The following DPP6 variants were observed in gnomAD, a reference collection of about 807,000 sequenced individuals.
DPP6 encodes the protein A-type potassium channel modulatory protein DPP6.
A neutral mutation model predicts 122.6 loss-of-function variants in DPP6; 69 were observed. The ratio of observed to expected loss-of-function variants is 0.56; its 90% CI spans 0.46 to 0.69. The LOEUF is 0.69. Ranked by LOEUF, DPP6 falls within the 30% of genes least tolerant of loss-of-function variation. The pLI is 0.00. For synonymous variants in DPP6, 418 were observed against 433.1 expected (o/e 0.97, Z 0.43); for missense variants, 928 against 1,116.9 (o/e 0.83, Z 2.41).
chr7:153,975,077 C>T (rs977250587), intron 1 of DPP6, among the ~76,000 whole-genome samples: 32 of 152,236 alleles, frequency 2.1e-4, no homozygotes, highest in Admixed American at 2.0e-4. Flanking sequence ...ATACCTACTA[C>T]GTACCAGCCA....
At chr7:154,349,052 G>A (rs115390102) in intron 1 of DPP6, among the ~76,000 whole-genome samples, 108 of 152,360 alleles carry the variant, frequency 7.1e-4, no homozygotes, top group African/African-American at 2.6e-3. Flanking sequence ...GAGGATGGGA[G>A]CACAGAGGGG....
At chr7:154,023,982 C>T (rs2129052870) in intron 1 of DPP6, among the ~76,000 whole-genome samples, 1 of 152,284 alleles carries the variant, frequency 6.6e-6, no homozygotes. Context: ...AGTTCTACTA[C>T]CTTCAAATGC....
intron 1 of DPP6, among the ~76,000 whole-genome samples, chr7:153,920,759 C>T (rs1800601283): frequency 6.6e-6 from 1 of 151,814 alleles, no homozygotes; most frequent in South Asian, 2.1e-4. Context: ...TGGGGTTTCA[C>T]CATGTTGGCC....
At chr7:154,105,352 A>T (rs1806081823) in intron 1 of DPP6, among the ~76,000 whole-genome samples, 1 of 152,200 alleles carries the variant, frequency 6.6e-6, no homozygotes, top group Admixed American at 6.5e-5. Context: ...TCACAGGCAC[A>T]ACTAGCCTGG....
chr7:153,950,742 TAAG>T (rs1338931931), intron 1 of DPP6, among the ~76,000 whole-genome samples: 2 of 151,832 alleles, frequency 1.3e-5, no homozygotes, highest in African/African-American at 2.4e-5. Flanking sequence ...TCAAGGAAAA[TAAG>T]AAGGAGCAGA....
chr7:154,614,210 G>A (rs1834089565), intron 5 of DPP6, among the ~76,000 whole-genome samples: 2 of 152,116 alleles, frequency 1.3e-5, no homozygotes, highest in Non-Finnish European at 2.9e-5. Flanking sequence ...CATAAATCAG[G>A]CTCACATAGG....
chr7:154,725,281 A>G (rs1422008573), intron 7 of DPP6, among the ~76,000 whole-genome samples: 1 of 152,198 alleles, frequency 6.6e-6, no homozygotes, highest in African/African-American at 2.4e-5. Context: ...ATCCAATTTG[A>G]TATTGTATTA....
intron 1 of DPP6, among the ~76,000 whole-genome samples, chr7:153,892,137 T>C (rs987602049): frequency 1.3e-5 from 2 of 152,230 alleles, no homozygotes; most frequent in Non-Finnish European, 1.5e-5. Context: ...AACATCTGAA[T>C]GTGAACTTTC....
chr7:154,774,024 A>G (rs1024771971), intron 10 of DPP6, among the ~76,000 whole-genome samples: 2 of 152,162 alleles, frequency 1.3e-5, no homozygotes, highest in Non-Finnish European at 2.9e-5. Context: ...TGAAACTTAT[A>G]ATGTTGTAAG....
intron 1 of DPP6, among the ~76,000 whole-genome samples, chr7:154,258,725 C>CT (rs1264421290): frequency 2.4e-4 from 37 of 152,186 alleles, no homozygotes; most frequent in African/African-American, 8.7e-4. Flanking sequence ...GAGTTCTGCT[C>CT]TAAGAAAACG....
At chr7:153,922,404 TAGG>T (rs1450767721) in intron 1 of DPP6, among the ~76,000 whole-genome samples, 1 of 148,112 alleles carries the variant, frequency 6.8e-6, no homozygotes, top group African/African-American at 2.6e-5. Flanking sequence ...GAGGCTAAGG[TAGG>T]AGGATCACCT....
At position 154,664,504 on chromosome 7, in the gene DPP6, AAC is replaced by A. The variant is rs141025483; in HGVS notation, c.681-4852_681-4851del. Among the ~76,000 whole-genome samples, 1,174 of 152,244 alleles carry A rather than the reference AAC, an allele frequency of 7.7e-3. 15 individuals are homozygous for A. Among genetic ancestry groups the A allele is most frequent in the Middle Eastern group, 0.041 (12 of 294 alleles). On this transcript the variant is annotated intron_variant, in intron 6 of 25. Transcript: ENST00000377770. ...CTCTGTGCTTAGAAAATTCCAAATA[AAC>A]ACAGGTCAAGTGAATTTGTTAGGCT...
chr7:153,861,173 A>G, the DPP6 span, among the ~76,000 whole-genome samples: 13 of 152,240 alleles, frequency 8.5e-5, no homozygotes, highest in Non-Finnish European at 1.5e-5. Flanking sequence ...GGACTTTAAT[A>G]TAAATTTAAG....
intron 3 of DPP6, among the ~76,000 whole-genome samples, chr7:154,531,757 T>C (rs1827854639): frequency 6.6e-6 from 1 of 152,128 alleles, no homozygotes. Flanking sequence ...ACATAACAAG[T>C]ATAATTGCGT....
intron 5 of DPP6, among the ~76,000 whole-genome samples, chr7:154,576,997 G>A (rs1001877913): frequency 6.6e-6 from 1 of 152,148 alleles, no homozygotes; most frequent in South Asian, 2.1e-4. Context: ...GGCAGTGGAA[G>A]GGTAGAGTGG....
At chr7:154,763,281 G>A (rs541999349) in intron 8 of DPP6, among the ~76,000 whole-genome samples, 1 of 151,858 alleles carries the variant, frequency 6.6e-6, no homozygotes, top group Non-Finnish European at 1.5e-5. Flanking sequence ...GCAGTGAGCC[G>A]AGATTGTGCC....
intron 1 of DPP6, among the ~76,000 whole-genome samples, chr7:153,924,935 A>T (rs1012342621): frequency 6.6e-6 from 1 of 152,132 alleles, no homozygotes; most frequent in African/African-American, 2.4e-5. Context: ...GTCAAGAAAG[A>T]TCTGGACTCG....
the DPP6 span, among the ~76,000 whole-genome samples, chr7:153,810,280 A>G: frequency 6.6e-6 from 1 of 152,122 alleles, no homozygotes; most frequent in Non-Finnish European, 1.5e-5. Context: ...AGGGTTTTAG[A>G]GTTGGAAAAG....
chr7:153,936,535 G>A (rs545696839), intron 1 of DPP6, among the ~76,000 whole-genome samples: 2 of 152,118 alleles, frequency 1.3e-5, no homozygotes, highest in Non-Finnish European at 2.9e-5. Context: ...AGCCGGGCGT[G>A]GTGGCTCATG....
Sources: gnomAD v4.1 joint callset for allele counts (sites outside exome capture counted in the v4.1 genomes callset) on GRCh38, gnomAD v4.1.1 for gene constraint, MANE v1.5 for transcripts, NCBI Gene and HGNC (gene_info 2026-07-23, HGNC 2026-07-21) for gene names.